GK: variants seen among roughly 807,000 people sequenced by gnomAD.
GK encodes the protein ATP:glycerol 3-phosphotransferase.
Under a neutral mutation model 56.4 loss-of-function variants are expected in GK, and 9 were observed. That is an observed-to-expected ratio of 0.16 (90% confidence interval 0.10 to 0.28). GK has a LOEUF of 0.28. Ranked by LOEUF, GK falls within the 10% of genes least tolerant of loss-of-function variation. GK has a pLI of 1.00. For missense variants in GK, 161 were observed against 431.4 expected, an observed-to-expected ratio of 0.37 and a Z score of 5.55; for synonymous variants, 104 against 144.1, an observed-to-expected ratio of 0.72 and a Z score of 1.99.
intron 13 of GK, among the ~76,000 whole-genome samples, chrX:30,715,083 T>A (rs1936544422): frequency 8.9e-6 from 1 of 112,197 alleles, no homozygotes; most frequent in South Asian, 3.7e-4. Context: ...GTGTTTGCTA[T>A]GCCTGATGAA....
At chrX:30,703,453 CAG>C (rs1299249394) in intron 11 of GK, among the ~76,000 whole-genome samples, 2 of 110,747 alleles carry the variant, frequency 1.8e-5, no homozygotes, top group Admixed American at 9.6e-5. Context: ...AGGATGGAGA[CAG>C]AGAGGGAGGC....
chrX:30,664,615 C>A (rs188211097), intron 1 of GK, among the ~76,000 whole-genome samples: 1 of 108,599 alleles, frequency 9.2e-6, no homozygotes, highest in East Asian at 2.9e-4. Flanking sequence ...CAAGGGTCAG[C>A]AATTTATGAC....
rs1936874650 is a variant in GK at position 30,721,099 on chromosome X, A to G, written c.1501+104A>G. ...GTTAAAAGTTAAGGAACCAAGTAAA[A>G]TAGTAAATGTTATCATTGCAGATTC... is the stretch of plus-strand genomic sequence containing the variant. On this transcript the variant is annotated intron_variant, in intron 18 of 20. Coordinates refer to ENST00000427190, the MANE Select transcript of GK (RefSeq NM_001205019.2). 5 of 796,011 alleles carry G rather than the reference A, an allele frequency of 6.3e-6. No homozygotes were observed. In the Admixed American group the frequency reaches 1.0e-4, roughly 16 times the overall value. The allele number at this position is 796,011 out of a possible 1,213,427, so 65.6% of individuals were successfully genotyped here. A position where few individuals can be genotyped will look rare whatever the true frequency, so the allele number is the denominator to read the frequency against.
chrX:30,715,872 CACA>C (rs1421802861), intron 13 of GK, among the ~76,000 whole-genome samples: 3 of 111,867 alleles, frequency 2.7e-5, no homozygotes, highest in Non-Finnish European at 5.6e-5. Flanking sequence ...GTTTTTCAAT[CACA>C]ACAAAACACT....
intron 13 of GK, among the ~76,000 whole-genome samples, chrX:30,717,858 A>G (rs1295273797): frequency 9.0e-6 from 1 of 111,524 alleles, no homozygotes; most frequent in Non-Finnish European, 1.9e-5. Flanking sequence ...TGTCATAGTC[A>G]TCATTTTATA....
chrX:30,725,944 C>T (rs1290303968), intron 19 of GK, among the ~76,000 whole-genome samples: 3 of 110,924 alleles, frequency 2.7e-5, no homozygotes, highest in South Asian at 7.7e-4. Context: ...TGAGCCACCG[C>T]GCCTGGCCTT....
At chrX:30,707,258 A>G (rs1195804216) in intron 11 of GK, among the ~76,000 whole-genome samples, 1 of 106,937 alleles carries the variant, frequency 9.4e-6, no homozygotes, top group Non-Finnish European at 1.9e-5. Context: ...TGAACTCGGG[A>G]GGCGGAGGTT....
intron 6 of GK, among the ~76,000 whole-genome samples, chrX:30,694,854 C>A (rs1194273586): frequency 8.9e-6 from 1 of 111,923 alleles, no homozygotes; most frequent in African/African-American, 3.2e-5. Flanking sequence ...TTCCCACTAG[C>A]CATGTCTTAG....
At chrX:30,705,949 G>C (rs1431739301) in intron 11 of GK, among the ~76,000 whole-genome samples, 3 of 112,032 alleles carry the variant, frequency 2.7e-5, no homozygotes, top group African/African-American at 9.7e-5. Context: ...ATGCTAAATT[G>C]GTACAGATTT....
At chrX:30,657,288 G>A (rs927119875) in intron 1 of GK, among the ~76,000 whole-genome samples, 1 of 112,466 alleles carries the variant, frequency 8.9e-6, no homozygotes, top group Non-Finnish European at 1.9e-5. Flanking sequence ...AATTGTCAAA[G>A]AATTAATCTT....
chrX:30,717,747 T>G (rs933045088), intron 13 of GK, among the ~76,000 whole-genome samples: 3 of 112,319 alleles, frequency 2.7e-5, no homozygotes, highest in Non-Finnish European at 5.6e-5. Context: ...CTGATACTTT[T>G]TTAACATTAA....
intron 3 of GK, chrX:30,674,303 T>C (rs1469742194): frequency 6.1e-6 from 2 of 329,620 alleles, no homozygotes; most frequent in Non-Finnish European, 1.2e-5. Flanking sequence ...TTTTGGCAGA[T>C]AACCCTACCT....
chrX:30,674,324 G>A, intron 3 of GK: 2 of 331,049 alleles, frequency 6.0e-6, no homozygotes, highest in Non-Finnish European at 1.2e-5. Flanking sequence ...CCTGCTTCAT[G>A]GAGAAAGTTG....
intron 1 of GK, among the ~76,000 whole-genome samples, chrX:30,663,159 G>A (rs1296955592): frequency 1.8e-5 from 2 of 110,667 alleles, no homozygotes; most frequent in African/African-American, 6.6e-5. Context: ...CCGGGCGTCA[G>A]CCACCGCGCC....
At chrX:30,667,052 G>A (rs978611407) in intron 2 of GK, among the ~76,000 whole-genome samples, 4 of 111,152 alleles carry the variant, frequency 3.6e-5, no homozygotes, top group Non-Finnish European at 7.6e-5. Context: ...TACTCGGGAG[G>A]CTGAGGCAGG....
At chrX:30,699,299 C>T (rs1569162209) in intron 9 of GK, among the ~76,000 whole-genome samples, 1 of 76,334 alleles carries the variant, frequency 1.3e-5, no homozygotes, top group Non-Finnish European at 2.5e-5. Context: ...TTATACATAA[C>T]ATGTATATAT....
chrX:30,676,931 G>T (rs988230357), intron 3 of GK, among the ~76,000 whole-genome samples: 3 of 110,676 alleles, frequency 2.7e-5, no homozygotes, highest in African/African-American at 1.0e-4. Context: ...TAAAATGTAG[G>T]CATGTACATG....
chrX:30,686,031 G>A (rs183392294), intron 4 of GK, among the ~76,000 whole-genome samples: 5 of 112,550 alleles, frequency 4.4e-5, no homozygotes, highest in Middle Eastern at 4.6e-3. Context: ...CATGATAGGT[G>A]TTCCTAGGGG....
chrX:30,683,873 T>C (rs1313167799), intron 4 of GK, among the ~76,000 whole-genome samples: 2 of 112,152 alleles, frequency 1.8e-5, no homozygotes, highest in Non-Finnish European at 3.8e-5. Flanking sequence ...TTTGTGGCCC[T>C]GGAACCAAAG....
Sources: gnomAD v4.1 joint callset for allele counts (sites outside exome capture counted in the v4.1 genomes callset) on GRCh38, gnomAD v4.1.1 for gene constraint, MANE v1.5 for transcripts, NCBI Gene and HGNC (gene_info 2026-07-23, HGNC 2026-07-21) for gene names.